EIF2A: variants seen among roughly 807,000 people sequenced by gnomAD.
The protein encoded by EIF2A is 65 kDa eukaryotic translation initiation factor 2A.
In EIF2A, 62 loss-of-function variants were observed where a neutral mutation model predicts 75.2. The observed-to-expected ratio is 0.82, with a 90% CI of 0.67 to 1.02. EIF2A has a LOEUF of 1.02. EIF2A is among the 50% of genes least tolerant of loss of function. The pLI is 0.00. For synonymous variants in EIF2A, 207 were observed against 239.0 expected, an observed-to-expected ratio of 0.87 and a Z score of 1.23; for missense variants, 611 against 677.7, an observed-to-expected ratio of 0.90 and a Z score of 1.09.
rs2293151 is a variant in EIF2A at position 150,567,733 on chromosome 3, T to C, written c.516T>C (p.Asp172=). ...AATTGCATTTGCAAAAAATTAATGA[T>C]TTTGTATTATCACCTGGACCCCAAC... is the stretch of plus-strand genomic sequence containing the variant. ...ANKLHLQKIN[D]FVLSPGPQPY... is the part of the protein sequence containing the mutation. The change falls in exon 7 of 14, where the codon GAT becomes GAC. Residue 172 remains aspartate (D), a synonymous_variant. Transcript: ENST00000460851. The C allele has an allele frequency of 0.15, 235,124 of 1,553,916 alleles. 18,803 individuals are homozygous for C. The highest frequency in any genetic ancestry group is 0.16 in the Non-Finnish European group (187,359 of 1,147,142).
Position 150,546,818 on chromosome 3 carries a change from C to A in EIF2A, c.16C>A (p.Pro6Thr). 1.2e-6 allele frequency: 2 copies of A among 1,612,476 alleles called. 1 individual carries two copies. Among genetic ancestry groups the A allele is most frequent in the South Asian group, 2.2e-5 (2 of 91,032 alleles). MAPST[P>T]LLTVRGSEGL... is the part of the protein sequence containing the mutation. ...CCGGGACAACATGGCGCCGTCCACGCCGCTCTTGACAGGTGAGTTCTGAAG... is the reference window on the plus strand; with the variant it reads ...CCGGGACAACATGGCGCCGTCCACGACGCTCTTGACAGGTGAGTTCTGAAG... Residue 6 changes from proline (P) to threonine (T), a missense_variant, in exon 1 of 14, where the codon CCG (proline) becomes ACG (threonine). Pro to Thr is a conservative substitution (Grantham distance 38). Coordinates refer to ENST00000460851, the MANE Select transcript of EIF2A (RefSeq NM_032025.5).
At chr3:150,566,862 A>G (rs1224746675) in intron 6 of EIF2A, 1 of 152,214 alleles carries the variant, frequency 6.6e-6, no homozygotes, top group African/African-American at 2.4e-5. Context: ...TGAGTATATC[A>G]TAGTTAGAAT....
chr3:150,556,004 A>G (rs1339511098), intron 2 of EIF2A, among the ~76,000 whole-genome samples: 2 of 152,168 alleles, frequency 1.3e-5, no homozygotes, highest in African/African-American at 4.8e-5. Context: ...GAAGTTTACT[A>G]CAGCCTCTTA....
intron 1 of EIF2A, among the ~76,000 whole-genome samples, chr3:150,550,325 A>T (rs1345991375): frequency 1.3e-5 from 2 of 152,210 alleles, no homozygotes; most frequent in Non-Finnish European, 2.9e-5. Flanking sequence ...CCTTGTTAGA[A>T]AGTTACATGT....
chr3:150,549,391 T>C (rs1387540269), intron 1 of EIF2A, among the ~76,000 whole-genome samples: 1 of 152,108 alleles, frequency 6.6e-6, no homozygotes, highest in Non-Finnish European at 1.5e-5. Context: ...GCTAATTTTG[T>C]ATTTTTAGTA....
chr3:150,585,023 A>G lies in EIF2A; in HGVS notation c.*1112A>G, dbSNP rs1052773635. ...ATACACATACACTTAAAAAAAAAAG[A>G]TGGCATATACTAACTGTTCTGTTTG... On this transcript the variant is annotated 3_prime_UTR_variant, in exon 14 of 14. Coordinates refer to ENST00000460851, the MANE Select transcript of EIF2A (RefSeq NM_032025.5). Among the ~76,000 whole-genome samples the G allele has an allele frequency of 6.6e-6, 1 of 151,680 alleles. No individual in the cohort carries two copies. The highest frequency in any genetic ancestry group is 2.4e-5 in the African/African-American group (1 of 41,352).
At position 150,575,683 on chromosome 3, in the gene EIF2A, A is replaced by C; in HGVS notation, c.1418A>C (p.Gln473Pro). 2 of 1,612,634 alleles carry C rather than the reference A, an allele frequency of 1.2e-6. No homozygotes were observed. Among genetic ancestry groups the C allele is most frequent in the Non-Finnish European group, 1.7e-6 (2 of 1,179,458 alleles). ...GAACCACCTCAGAATATGAAACCAC[A>C]ATCAGGAAACGATAAGCCATTATCA... Reference protein sequence around the residue: ...EEEPPQNMKPQSGNDKPLSKT... With the variant: ...EEEPPQNMKPPSGNDKPLSKT... The change falls in exon 11 of 14, where the codon CAA becomes CCA. Residue 473 changes from glutamine to proline, a missense_variant. Gln to Pro is a moderately conservative substitution (Grantham distance 76, BLOSUM62 -1). Transcript: ENST00000460851.
Position 150,568,019 on chromosome 3 carries a change from A to C in EIF2A, c.667A>C (p.Lys223Gln), listed in dbSNP as rs779792886. ...LANKSFFKAD[K>Q]VTMLWNKKAT... ...TAATAAAAGTTTCTTTAAGGCAGAT[A>C]AAGTTACAATGCTGTGGAATAAAAA... Residue 223 changes from lysine to glutamine, a missense_variant, in exon 8 of 14, where the codon AAA becomes CAA. By Grantham distance (53) the Lys-to-Gln change is moderately conservative. Transcript: ENST00000460851. The C allele has an allele frequency of 6.2e-7, 1 of 1,611,232 alleles. No homozygotes were observed. Among genetic ancestry groups the C allele is most frequent in the South Asian group, 1.1e-5 (1 of 90,364 alleles).
At chr3:150,556,762 C>T (rs1281314133) in intron 2 of EIF2A, among the ~76,000 whole-genome samples, 1 of 152,208 alleles carries the variant, frequency 6.6e-6, no homozygotes, top group East Asian at 1.9e-4. Context: ...CAAAATTTCC[C>T]AATTGCCAAG....
chr3:150,580,644 A>T (rs1725134035), intron 11 of EIF2A, among the ~76,000 whole-genome samples: 1 of 152,248 alleles, frequency 6.6e-6, no homozygotes, highest in South Asian at 2.1e-4. Context: ...TTTATTCCTT[A>T]TTAAGAACTT....
chr3:150,568,884 T>C (rs1239753886), intron 9 of EIF2A, among the ~76,000 whole-genome samples: 3 of 152,232 alleles, frequency 2.0e-5, no homozygotes, highest in Admixed American at 2.0e-4. Flanking sequence ...GTCACTGTAC[T>C]TCAGCCTGGG....
intron 3 of EIF2A, among the ~76,000 whole-genome samples, chr3:150,562,064 T>C (rs1017163198): frequency 1.3e-5 from 2 of 152,154 alleles, no homozygotes; most frequent in South Asian, 2.1e-4. Flanking sequence ...TGGCCCTTTT[T>C]TTTTGAAGTT....
At position 150,568,005 on chromosome 3, in the gene EIF2A, T is replaced by C. The variant is rs764455998; in HGVS notation, c.653T>C (p.Phe218Ser). The change falls in exon 8 of 14, where the codon TTC (phenylalanine) becomes TCC (serine). Residue 218 changes from phenylalanine (F) to serine (S), a missense_variant. By Grantham distance (155) the Phe-to-Ser change is radical. Transcript: ENST00000460851. ...CATGCAGCTTTAGCTAATAAAAGTTTCTTTAAGGCAGATAAAGTTACAATG... is the reference window on the plus strand; with the variant it reads ...CATGCAGCTTTAGCTAATAAAAGTTCCTTTAAGGCAGATAAAGTTACAATG... ...GPHAALANKS[F>S]FKADKVTMLW... is the part of the protein sequence containing the mutation. 3.1e-6 allele frequency: 5 copies of C among 1,612,660 alleles called. No homozygotes were observed. The African/African-American group carries it at 5.3e-5, about 17-fold the overall frequency.
intron 2 of EIF2A, among the ~76,000 whole-genome samples, chr3:150,557,048 CA>C (rs1229081279): frequency 6.6e-6 from 1 of 152,116 alleles, no homozygotes; most frequent in Admixed American, 6.6e-5. Flanking sequence ...TCAGTAAAGT[CA>C]GCTGATTAAT....
At chr3:150,551,139 C>T (rs1042022016) in intron 1 of EIF2A, among the ~76,000 whole-genome samples, 3 of 152,142 alleles carry the variant, frequency 2.0e-5, no homozygotes, top group Admixed American at 6.5e-5. Context: ...GGATGCTTTC[C>T]CTAACCTTCC....
At chr3:150,551,492 T>A (rs9871517) in intron 1 of EIF2A, among the ~76,000 whole-genome samples, 124,431 of 151,762 alleles carry the variant, frequency 0.82, 51,587 homozygotes, top group East Asian at 0.91. Context: ...CAGCACTTTG[T>A]GAGGCTGAGG....
rs1559881002 is a variant in EIF2A at position 150,567,993 on chromosome 3, C to T, written c.641C>T (p.Ala214Val). ...TTTGCTGGACCTCATGCAGCTTTAG[C>T]TAATAAAAGTTTCTTTAAGGCAGAT... Reference protein sequence around the residue: ...PNFAGPHAALANKSFFKADKV... With the variant: ...PNFAGPHAALVNKSFFKADKV... Residue 214 changes from alanine (A) to valine (V), a missense_variant, in exon 8 of 14, where the codon GCT (alanine) becomes GTT (valine). Physicochemically the swap from Ala to Val is moderately conservative, Grantham distance 64 (BLOSUM62 0). Transcript: ENST00000460851. 1 of 1,613,096 alleles carries T rather than the reference C, an allele frequency of 6.2e-7. No homozygotes were observed. The highest frequency in any genetic ancestry group is 1.1e-5 in the South Asian group (1 of 90,914).
chr3:150,585,950 G>C lies in EIF2A; in HGVS notation c.*2039G>C, dbSNP rs1725457589. On this transcript the variant is annotated 3_prime_UTR_variant, in exon 14 of 14. Transcript: ENST00000460851. ...TCCTCACCAGAACCTAACCATGCTG[G>C]TGATATCCTCATCTCAGACTTCTAA... Among the ~76,000 whole-genome samples the C allele has an allele frequency of 6.6e-6, 1 of 152,210 alleles. No individual in the cohort carries two copies. Among genetic ancestry groups the C allele is most frequent in the African/African-American group, 2.4e-5 (1 of 41,446 alleles).
chr3:150,556,534 G>A (rs1723579178), intron 2 of EIF2A, among the ~76,000 whole-genome samples: 1 of 152,190 alleles, frequency 6.6e-6, no homozygotes, highest in South Asian at 2.1e-4. Context: ...GGTTAGAGAT[G>A]CATAATCAAG....
Sources: allele counts gnomAD v4.1 joint callset (sites outside exome capture counted in the v4.1 genomes callset), GRCh38; gene constraint gnomAD v4.1.1; transcripts MANE v1.5; gene names NCBI Gene and HGNC (gene_info 2026-07-23, HGNC 2026-07-21).